Variants in WNT3 observed in about 807,000 individuals in gnomAD.
The protein encoded by WNT3 is Wnt family member 3, also known as proto-oncogene Wnt-3.
Under a neutral mutation model 34.2 loss-of-function variants are expected in WNT3, and 7 were observed. That is an observed-to-expected ratio of 0.20 (90% confidence interval 0.12 to 0.38). The LOEUF (loss-of-function observed/expected upper bound fraction) is 0.38, where lower values mean the gene tolerates loss of function less well. Among genes scored for constraint, WNT3 ranks in the 10% least tolerant of loss-of-function variants. The pLI, the probability that WNT3 is intolerant of heterozygous loss-of-function variation, is 1.00. For missense variants in WNT3, 267 were observed against 499.8 expected (o/e 0.53, Z 4.44); for synonymous variants, 212 against 211.5 (o/e 1.00, Z -0.02).
chr17:46,811,599 C>A (rs1168667450), intron 1 of WNT3, among the ~76,000 whole-genome samples: 1 of 152,080 alleles, frequency 6.6e-6, no homozygotes, highest in Non-Finnish European at 1.5e-5. Flanking sequence ...GCAGGCAGGC[C>A]CTCCCAGGCA....
chr17:46,794,169 G>C (rs2084023740), intron 1 of WNT3, among the ~76,000 whole-genome samples: 1 of 151,956 alleles, frequency 6.6e-6, no homozygotes, highest in Admixed American at 6.6e-5. Context: ...AGGGGTGGGG[G>C]TGGATAAACC....
intron 1 of WNT3, among the ~76,000 whole-genome samples, chr17:46,810,701 A>G (rs1218554616): frequency 6.6e-6 from 1 of 150,912 alleles, no homozygotes; most frequent in African/African-American, 2.4e-5. Context: ...CACCCCCTCC[A>G]CCAGGCACAG....
intron 4 of WNT3, among the ~76,000 whole-genome samples, chr17:46,766,067 A>C (rs2059310324): frequency 6.6e-6 from 1 of 152,166 alleles, no homozygotes; most frequent in Non-Finnish European, 1.5e-5. Context: ...GAGGAAAAAA[A>C]ACACTCATTG....
intron 1 of WNT3, among the ~76,000 whole-genome samples, chr17:46,780,538 C>T (rs1225793501): frequency 1.3e-5 from 2 of 152,212 alleles, no homozygotes; most frequent in East Asian, 3.9e-4. Context: ...CTTGTAATCC[C>T]AGCACTTTGG....
intron 1 of WNT3, among the ~76,000 whole-genome samples, chr17:46,787,933 G>A (rs1248905769): frequency 6.7e-6 from 1 of 150,112 alleles, no homozygotes; most frequent in Non-Finnish European, 1.5e-5. Context: ...TCCAGCCTGG[G>A]CAACAGAGTG....
At chr17:46,766,886 A>G (rs2059318186) in intron 4 of WNT3, among the ~76,000 whole-genome samples, 1 of 151,930 alleles carries the variant, frequency 6.6e-6, no homozygotes, top group African/African-American at 2.4e-5. Flanking sequence ...CCAATTAACC[A>G]AGCCCTGTCC....
At chr17:46,805,612 C>T (rs1270249322) in intron 1 of WNT3, among the ~76,000 whole-genome samples, 9 of 152,022 alleles carry the variant, frequency 5.9e-5, no homozygotes, top group Non-Finnish European at 4.4e-5. Flanking sequence ...AAATTAGCCA[C>T]ATATGGTGCT....
rs1475703250 is a variant in WNT3, at chr17:46,768,008, G to A, written c.*8+304C>T. Among the ~76,000 whole-genome samples the A allele has an allele frequency of 3.3e-5, 5 of 152,026 alleles. No homozygotes were observed. The highest frequency in any genetic ancestry group is 4.8e-5 in the African/African-American group (2 of 41,398). The stretch of plus-strand genomic sequence containing the variant: ...TCACCATGTTGGCCAGGCCGGTCTC[G>A]AACTCCTGACCTCAGGTGATCCGTC... On this transcript the variant is annotated intron_variant, in intron 4 of 4. Transcript: ENST00000225512. The surrounding 1 kb of genome is among the most constrained non-coding windows in gnomAD (Gnocchi z 5.0).
intron 1 of WNT3, among the ~76,000 whole-genome samples, chr17:46,818,265 C>T (rs760236881): frequency 1.1e-4 from 16 of 151,966 alleles, no homozygotes; most frequent in Non-Finnish European, 1.6e-4. Context: ...GAATAAGAAA[C>T]CTTCTGAGAT....
At chr17:46,797,400 G>T (rs931561124) in intron 1 of WNT3, among the ~76,000 whole-genome samples, 2 of 152,212 alleles carry the variant, frequency 1.3e-5, no homozygotes, top group Admixed American at 1.3e-4. Flanking sequence ...GGGCCAAGTG[G>T]AGGAGGGAAA....
intron 1 of WNT3, among the ~76,000 whole-genome samples, chr17:46,775,066 G>A (rs1288698906): frequency 6.6e-6 from 1 of 152,214 alleles, no homozygotes; most frequent in African/African-American, 2.4e-5. Context: ...AAGACCCCAT[G>A]GGGCAGGGTG....
At chr17:46,780,190 CTG>C (rs1017610195) in intron 1 of WNT3, among the ~76,000 whole-genome samples, 1 of 152,254 alleles carries the variant, frequency 6.6e-6, no homozygotes, top group Non-Finnish European at 1.5e-5. Flanking sequence ...TGATCTGACA[CTG>C]GGGTTGTTGG....
chr17:46,779,053 T>TCTCACACACACACACACACACA (rs1310974235), intron 1 of WNT3, among the ~76,000 whole-genome samples: 3 of 100,612 alleles, frequency 3.0e-5, no homozygotes, highest in African/African-American at 8.9e-5. Context: ...CCCTACCCCA[T>TCTCACACACACACACACACACA]CACACACACA....
chr17:46,797,125 T>C (rs1362102649), intron 1 of WNT3, among the ~76,000 whole-genome samples: 5 of 152,188 alleles, frequency 3.3e-5, no homozygotes, highest in African/African-American at 1.2e-4. Context: ...AATGAGCTGC[T>C]AATATTCAAA....
At chr17:46,787,114 AT>A (rs1252880008) in intron 1 of WNT3, among the ~76,000 whole-genome samples, 1 of 151,718 alleles carries the variant, frequency 6.6e-6, no homozygotes, top group Non-Finnish European at 1.5e-5. Context: ...AGTTTTTAAA[AT>A]TTTTTGTAGA....
At chr17:46,771,935 C>G (rs1458978264) in intron 2 of WNT3, among the ~76,000 whole-genome samples, 19 of 147,014 alleles carry the variant, frequency 1.3e-4, no homozygotes, top group Admixed American at 1.3e-3. Flanking sequence ...GCCCGCCGCG[C>G]CGCCGCCGCG....
intron 1 of WNT3, among the ~76,000 whole-genome samples, chr17:46,788,965 G>A (rs1180128993): frequency 6.6e-6 from 1 of 152,244 alleles, no homozygotes; most frequent in Non-Finnish European, 1.5e-5. Context: ...CAGCCCAGTG[G>A]GGAACACACA....
chr17:46,788,934 C>T, intron 1 of WNT3, among the ~76,000 whole-genome samples: 1 of 152,208 alleles, frequency 6.6e-6, no homozygotes, highest in Non-Finnish European at 1.5e-5. Context: ...GTTTGGGAGT[C>T]CTTTGTTTGA....
At chr17:46,787,398 T>C (rs1187477507) in intron 1 of WNT3, among the ~76,000 whole-genome samples, 1 of 152,218 alleles carries the variant, frequency 6.6e-6, no homozygotes, top group Non-Finnish European at 1.5e-5. Context: ...TGTTAGGTCA[T>C]AAAATGTCAA....
Sources: allele counts gnomAD v4.1 joint callset (sites outside exome capture counted in the v4.1 genomes callset), GRCh38; gene constraint gnomAD v4.1.1; non-coding constraint Gnocchi (gnomAD v3.1); transcripts MANE v1.5; gene names NCBI Gene and HGNC (gene_info 2026-07-23, HGNC 2026-07-21).